MYZAP: variants seen among roughly 807,000 people sequenced by gnomAD.
MYZAP encodes myocardial zonula adherens protein.
Under a neutral mutation model 69.4 loss-of-function variants are expected in MYZAP, and 66 were observed. The ratio of observed to expected loss-of-function variants is 0.95; its 90% CI spans 0.78 to 1.17. The LOEUF is 1.17. Ranked by LOEUF, MYZAP falls within the 50% of genes most tolerant of loss-of-function variation. The pLI is 0.00. For synonymous variants in MYZAP, 256 were observed against 205.9 expected, an observed-to-expected ratio of 1.24 and a Z score of -2.09; for missense variants, 611 against 556.2, an observed-to-expected ratio of 1.10 and a Z score of -0.99.
rs143971200 is a variant in MYZAP, at chr15:57,679,502, C to T, written c.1304+4434C>T. Among the ~76,000 whole-genome samples the T allele has an allele frequency of 7.5e-4, 114 of 152,148 alleles. 1 individual carries two copies. Among genetic ancestry groups the T allele is most frequent in the African/African-American group, 2.7e-3 (110 of 41,500 alleles). ...AGAGCAATGCTTGGCACATACTAGG[C>T]ACTCAATATTTGTTGAATGGAGCCA... On this transcript the variant is annotated intron_variant, in intron 12 of 12. Transcript: ENST00000267853.
intron 7 of MYZAP, 26 bp downstream of exon 7, chr15:57,632,585 A>T: frequency 6.2e-7 from 1 of 1,612,534 alleles, no homozygotes; most frequent in Non-Finnish European, 8.5e-7. Flanking sequence ...CTGCCGATGT[A>T]AACTTACCGG....
intron 8 of MYZAP, 118 bp downstream of exon 8, chr15:57,633,859 A>G: frequency 8.3e-7 from 1 of 1,208,266 alleles, no homozygotes; most frequent in Non-Finnish European, 1.1e-6. Context: ...GCAATTAAAA[A>G]AAAAAAGACA....
chr15:57,678,345 G>T (rs2039247293), intron 12 of MYZAP, among the ~76,000 whole-genome samples: 1 of 152,136 alleles, frequency 6.6e-6, no homozygotes, highest in Non-Finnish European at 1.5e-5. Flanking sequence ...CTGGGCCTGG[G>T]CAACAGAATG....
At chr15:57,611,733 A>C (rs1317359593) in intron 2 of MYZAP, among the ~76,000 whole-genome samples, 1 of 152,062 alleles carries the variant, frequency 6.6e-6, no homozygotes, top group Non-Finnish European at 1.5e-5. Context: ...TAACTAAATT[A>C]GTTTTATTTT....
chr15:57,603,490 C>T (rs186273385), intron 1 of MYZAP, among the ~76,000 whole-genome samples: 27 of 152,254 alleles, frequency 1.8e-4, no homozygotes, highest in Admixed American at 4.6e-4. Flanking sequence ...TACTAACTTT[C>T]CCTGTATCCT....
rs576628319 is a variant in MYZAP at position 57,616,760 on chromosome 15, C to T, written c.163-1273C>T. ...GGGAGGTGGAGGTTGCAGTGAGCCA[C>T]GATCACGCCACTACACTGCAGCCTG... On this transcript the variant is annotated intron_variant, in intron 2 of 12. Transcript: ENST00000267853. Among the ~76,000 whole-genome samples, 14 of 145,334 alleles carry T rather than the reference C, an allele frequency of 9.6e-5. No homozygotes were observed. In the South Asian group the frequency reaches 2.9e-3, roughly 30 times the overall value.
In MYZAP at chr15:57,648,105, A is replaced by G. The variant is rs558105598; in HGVS notation, c.1119+8560A>G. 7.1e-5 allele frequency: 60 copies of G among 840,266 alleles called. No individual in the cohort carries two copies. The African/African-American group carries it at 2.5e-3, about 36-fold the overall frequency. The allele number at this position is 840,266 out of a possible 1,614,324, so 52.1% of individuals were successfully genotyped here. A position where few individuals can be genotyped will look rare whatever the true frequency, so the allele number is the denominator to read the frequency against. Reference sequence around the variant, plus strand: ...ATAGTTTCTAATTCTAGTGTTTAGCATGGTATTATTCCTTATTTATTTTAA... The same window carrying G: ...ATAGTTTCTAATTCTAGTGTTTAGCGTGGTATTATTCCTTATTTATTTTAA... On this transcript the variant is annotated intron_variant, in intron 10 of 12. Coordinates refer to ENST00000267853, the MANE Select transcript of MYZAP (RefSeq NM_001018100.5).
intron 12 of MYZAP, among the ~76,000 whole-genome samples, chr15:57,676,571 T>G (rs1427424602): frequency 6.6e-6 from 1 of 151,700 alleles, no homozygotes; most frequent in Non-Finnish European, 1.5e-5. Context: ...TTTTTGAAAT[T>G]TAAATAATTT....
At chr15:57,613,960 T>C (rs2035274551) in intron 2 of MYZAP, among the ~76,000 whole-genome samples, 1 of 152,226 alleles carries the variant, frequency 6.6e-6, no homozygotes, top group South Asian at 2.1e-4. Context: ...GAGAGAAATT[T>C]AGCCACAAAC....
At chr15:57,621,787 A>G (rs1567211038) in intron 4 of MYZAP, 87 bp downstream of exon 4, 1 of 1,227,574 alleles carries the variant, frequency 8.1e-7, no homozygotes, top group South Asian at 1.4e-5. Context: ...AAGATATTAG[A>G]GTATCTAGTG....
chr15:57,647,084 C>T (rs1220729234), intron 10 of MYZAP: 8 of 985,348 alleles, frequency 8.1e-6, no homozygotes, highest in Non-Finnish European at 9.6e-6. Flanking sequence ...GTCCCTCAGA[C>T]GTTGGCTAGT....
chr15:57,631,053 T>G (rs1001997552), intron 6 of MYZAP, among the ~76,000 whole-genome samples: 3 of 152,210 alleles, frequency 2.0e-5, no homozygotes, highest in Admixed American at 6.5e-5. Flanking sequence ...GATCATCTCC[T>G]CTGTATGTTC....
At chr15:57,661,226 A>G (rs1218583318) in intron 10 of MYZAP, among the ~76,000 whole-genome samples, 1 of 152,202 alleles carries the variant, frequency 6.6e-6, no homozygotes, top group Admixed American at 6.5e-5. Context: ...TGTTCACACA[A>G]TCCGCCTGTC....
At chr15:57,666,416 A>G (rs780790137) in intron 11 of MYZAP, among the ~76,000 whole-genome samples, 6 of 152,126 alleles carry the variant, frequency 3.9e-5, no homozygotes, top group Non-Finnish European at 8.8e-5. Context: ...AACAGAGAAT[A>G]TGGATTATTT....
intron 11 of MYZAP, among the ~76,000 whole-genome samples, chr15:57,670,285 A>G (rs559977742): frequency 1.3e-5 from 2 of 152,198 alleles, no homozygotes; most frequent in Admixed American, 1.3e-4. Flanking sequence ...TACTAGGTAT[A>G]TACACATTTT....
intron 11 of MYZAP, among the ~76,000 whole-genome samples, chr15:57,670,010 C>A (rs2038791839): frequency 6.6e-6 from 1 of 152,006 alleles, no homozygotes; most frequent in South Asian, 2.1e-4. Context: ...ATGGTTTTAA[C>A]TTTTAATTTA....
At chr15:57,600,307 T>A (rs975130917) in intron 1 of MYZAP, among the ~76,000 whole-genome samples, 1 of 152,214 alleles carries the variant, frequency 6.6e-6, no homozygotes, top group African/African-American at 2.4e-5. Context: ...AGCACCTCTG[T>A]TGACAAGAGT....
intron 1 of MYZAP, among the ~76,000 whole-genome samples, chr15:57,597,908 C>T (rs909998304): frequency 3.3e-5 from 5 of 152,110 alleles, no homozygotes; most frequent in Admixed American, 6.5e-5. Context: ...GGTCTGTTCC[C>T]CCTAGCCACA....
chr15:57,675,130 T>G, intron 12 of MYZAP, 62 bp downstream of exon 12: 1 of 1,399,618 alleles, frequency 7.1e-7, no homozygotes, highest in South Asian at 1.3e-5. Flanking sequence ...AAGAAAATAC[T>G]TTACTAGGCT....
Sources: allele counts gnomAD v4.1 joint callset (sites outside exome capture counted in the v4.1 genomes callset), GRCh38; gene constraint gnomAD v4.1.1; transcripts MANE v1.5; gene names NCBI Gene and HGNC (gene_info 2026-07-23, HGNC 2026-07-21).